Variants in SYNJ2 observed in about 807,000 individuals in gnomAD.
The protein encoded by SYNJ2 is synaptojanin 2, also known as polyphosphatidylinositol phosphatase SYNJ2.
Under a neutral mutation model 141.3 loss-of-function variants are expected in SYNJ2, and 116 were observed. The ratio of observed to expected loss-of-function variants is 0.82; its 90% CI spans 0.71 to 0.96. The LOEUF (loss-of-function observed/expected upper bound fraction) is 0.96, where lower values mean the gene tolerates loss of function less well. SYNJ2 is among the 40% of genes least tolerant of loss of function. The probability of loss-of-function intolerance (pLI) is 0.00; values close to 1 mark genes in which losing one functional copy is unlikely to be tolerated. For missense variants in SYNJ2, 1,873 were observed against 1,934.8 expected, an observed-to-expected ratio of 0.97 and a Z score of 0.60; for synonymous variants, 745 against 777.7, an observed-to-expected ratio of 0.96 and a Z score of 0.70.
At chr6:158,047,804 AAC>A (rs1451105375) in intron 5 of SYNJ2, among the ~76,000 whole-genome samples, 191 of 141,622 alleles carry the variant, frequency 1.3e-3, no homozygotes, top group Middle Eastern at 6.9e-3. Context: ...AAAAAAAAAA[AAC>A]ACACAGTATC....
At chr6:158,000,725 C>G (rs1009870223) in intron 1 of SYNJ2, among the ~76,000 whole-genome samples, 1 of 152,130 alleles carries the variant, frequency 6.6e-6, no homozygotes, top group African/African-American at 2.4e-5. Context: ...CTACCCGCAC[C>G]GCACTGTGGT....
rs556160449 is a variant in SYNJ2 at position 158,004,742 on chromosome 6, G to A, written c.128-12462G>A. On this transcript the variant is annotated intron_variant, in intron 1 of 26. Transcript: ENST00000355585. ...GCATGAGATCTAAGAACTCTCTCTC[G>A]GGGTCTGGATCGGGACCCCTTTCCA... Among the ~76,000 whole-genome samples the A allele has an allele frequency of 7.6e-4, 115 of 152,214 alleles. 1 individual carries two copies. Among genetic ancestry groups the A allele is most frequent in the Middle Eastern group, 3.4e-3 (1 of 294 alleles).
intron 1 of SYNJ2, among the ~76,000 whole-genome samples, chr6:157,992,411 T>C (rs201760217): frequency 0.34 from 49,513 of 146,328 alleles, 10,559 homozygotes; most frequent in African/African-American, 0.6. Flanking sequence ...CTTTTTTTTT[T>C]TTTTTTTTTT....
Position 158,071,928 on chromosome 6 carries a change from GGGGAGA to G in SYNJ2, c.2133+138_2133+143del. ...CCTGGAGGGCTCAGCGCTGGGGGAGGGGGAGAGGGCTATGTCCCTCCATGGAATTGA... is the reference window on the plus strand; with the variant it reads ...CCTGGAGGGCTCAGCGCTGGGGGAGGGGGCTATGTCCCTCCATGGAATTGA... On this transcript the variant is annotated intron_variant, in intron 15 of 26. Coordinates refer to ENST00000355585, the MANE Select transcript of SYNJ2 (RefSeq NM_003898.4). The surrounding 1 kb of genome is among the most constrained non-coding windows in gnomAD (Gnocchi z 4.3). 1 of 1,071,734 alleles carries G rather than the reference GGGGAGA, an allele frequency of 9.3e-7. No homozygotes were observed. The highest frequency in any genetic ancestry group is 1.3e-6 in the Non-Finnish European group (1 of 764,138). 66.4% of individuals were successfully genotyped at this position (1,071,734 alleles called of 1,614,324 possible). A position where few individuals can be genotyped will look rare whatever the true frequency, so the allele number is the denominator to read the frequency against.
rs867019983 is a variant in SYNJ2, at chr6:158,084,101, C to T, written c.3135C>T (p.Pro1045=). Reference sequence around the variant, plus strand: ...GGGGAGACGACCTCTCTGATGTCCCCGGCCCCACAGCACTGGCTCCTCCCA... The same window carrying T: ...GGGGAGACGACCTCTCTGATGTCCCTGGCCCCACAGCACTGGCTCCTCCCA... ...ELGGDDLSDV[P]GPTALAPPSK... Residue 1045 remains proline (P), a synonymous_variant, in exon 22 of 27, where the codon CCC becomes CCT. Transcript: ENST00000355585. This position sits in a 1 kb window ranked among gnomAD's most constrained non-coding sequence, Gnocchi z 5.0. 13 of 1,614,184 alleles carry T rather than the reference C, an allele frequency of 8.1e-6. No individual in the cohort carries two copies. Among genetic ancestry groups the T allele is most frequent in the Middle Eastern group, 3.3e-4 (2 of 6,062 alleles).
intron 1 of SYNJ2, among the ~76,000 whole-genome samples, chr6:158,013,334 T>C (rs1343473410): frequency 6.6e-6 from 1 of 152,104 alleles, no homozygotes; most frequent in Non-Finnish European, 1.5e-5. Flanking sequence ...TGAGCTGAGA[T>C]TGCACCATTG....
intron 7 of SYNJ2, among the ~76,000 whole-genome samples, chr6:158,061,364 T>C (rs1781207391): frequency 6.6e-6 from 1 of 152,170 alleles, no homozygotes; most frequent in African/African-American, 2.4e-5. Context: ...AAGCCTCATA[T>C]GGAAGGGAGG....
rs1218867340 is a variant in SYNJ2 at position 158,097,861 on chromosome 6, C to T, written c.*1497C>T. On this transcript the variant is annotated 3_prime_UTR_variant, in exon 27 of 27. Transcript: ENST00000355585. ...AAAAGGATAAAAAAAAAAAGGAATCCGTGACCCACAGAGCTAGACAGATAA... is the reference window on the plus strand; with the variant it reads ...AAAAGGATAAAAAAAAAAAGGAATCTGTGACCCACAGAGCTAGACAGATAA... The T allele has an allele frequency of 4.4e-5, 6 of 137,570 alleles. No individual in the cohort carries two copies. Among genetic ancestry groups the T allele is most frequent in the East Asian group, 2.2e-4 (1 of 4,646 alleles). The allele number at this position is 137,570 out of a possible 1,614,324, so 8.5% of individuals were successfully genotyped here. A position where few individuals can be genotyped will look rare whatever the true frequency, so the allele number is the denominator to read the frequency against.
At chr6:158,017,727 C>CT (rs1471405816) in intron 2 of SYNJ2, 1 of 530,556 alleles carries the variant, frequency 1.9e-6, no homozygotes, top group Non-Finnish European at 3.9e-6. Flanking sequence ...CCTCTCTTCT[C>CT]TTTTAAGATG....
intron 6 of SYNJ2, among the ~76,000 whole-genome samples, chr6:158,055,257 T>C (rs1780800607): frequency 6.6e-6 from 1 of 152,262 alleles, no homozygotes; most frequent in Admixed American, 6.5e-5. Flanking sequence ...TAGCACTTTA[T>C]AATTATTTTA....
rs547644854 is a variant in SYNJ2 at position 158,070,122 on chromosome 6, G to A, written c.1940+449G>A. On this transcript the variant is annotated intron_variant, in intron 14 of 26. Coordinates refer to ENST00000355585, the MANE Select transcript of SYNJ2 (RefSeq NM_003898.4). This position sits in a 1 kb window ranked among gnomAD's most constrained non-coding sequence, Gnocchi z 4.0. ...GTCATTTCTCCAAGGTGCATGCTTT[G>A]TGAGCATCAGAAAGGGGGCGAGCTT... 20 of 980,768 alleles carry A rather than the reference G, an allele frequency of 2.0e-5. No individual in the cohort carries two copies. Among genetic ancestry groups the A allele is most frequent in the Non-Finnish European group, 2.4e-5 (20 of 825,668 alleles). The allele number at this position is 980,768 out of a possible 1,614,324, so 60.8% of individuals were successfully genotyped here. A position where few individuals can be genotyped will look rare whatever the true frequency, so the allele number is the denominator to read the frequency against.
chr6:158,046,179 CAA>C (rs1780226872), intron 5 of SYNJ2, among the ~76,000 whole-genome samples: 1 of 152,136 alleles, frequency 6.6e-6, no homozygotes, highest in Non-Finnish European at 1.5e-5. Flanking sequence ...CTTCTGACCT[CAA>C]GTGATCTGCC....
rs58284240 is a variant in SYNJ2 at position 158,000,064 on chromosome 6, CTTTTTTTTTTTTTTTT to C, written c.128-17116_128-17101del. ...GCCAGGTTCTCACCAAGCCAAAAGG[CTTTTTTTTTTTTTTTT>C]TTTTTTTTTTTTTTTTTTTTTTTGA... is the stretch of plus-strand genomic sequence containing the variant. On this transcript the variant is annotated intron_variant, in intron 1 of 26. Transcript: ENST00000355585. Among the ~76,000 whole-genome samples, 584 of 85,538 alleles carry C rather than the reference CTTTTTTTTTTTTTTTT, an allele frequency of 6.8e-3. 3 individuals carry two copies. The highest frequency in any genetic ancestry group is 0.01 in the African/African-American group (238 of 23,440). The allele number at this position is 85,538 out of a possible 152,430, so 56.1% of individuals were successfully genotyped here. A position where few individuals can be genotyped will look rare whatever the true frequency, so the allele number is the denominator to read the frequency against.
chr6:158,028,873 C>A lies in SYNJ2; in HGVS notation c.332C>A (p.Ala111Asp). Residue 111 changes from alanine (A) to aspartate (D), a missense_variant, in exon 3 of 27, where the codon GCC becomes GAC. Coordinates refer to ENST00000355585, the MANE Select transcript of SYNJ2 (RefSeq NM_003898.4). ...ATDFYPLQEE[A>D]KEEERLIALK... is the part of the protein sequence containing the mutation. ...GACTTTTACCCTCTTCAGGAAGAGG[C>A]CAAGGAGGAGGAACGCCTCATAGCT... 1.2e-6 allele frequency: 2 copies of A among 1,614,198 alleles called. No individual in the cohort carries two copies. Among genetic ancestry groups the A allele is most frequent in the Non-Finnish European group, 1.7e-6 (2 of 1,180,022 alleles).
chr6:158,029,217 C>G (rs1029015159), intron 3 of SYNJ2, 191 bp downstream of exon 3: 36 of 702,278 alleles, frequency 5.1e-5, no homozygotes, highest in Non-Finnish European at 6.8e-5. Context: ...TGCCACCCCC[C>G]ACCCCTGGCC....
chr6:158,087,055 T>C, intron 23 of SYNJ2, 66 bp downstream of exon 23: 1 of 1,543,920 alleles, frequency 6.5e-7, no homozygotes, highest in Non-Finnish European at 8.8e-7. Flanking sequence ...TCCCTGCTAC[T>C]GAAAACACGG....
intron 10 of SYNJ2, 34 bp from the exon 11 acceptor site, chr6:158,064,792 C>T (rs759689415): frequency 6.2e-7 from 1 of 1,610,976 alleles, no homozygotes; most frequent in Non-Finnish European, 8.5e-7. Flanking sequence ...CCCCAGGGAC[C>T]CCCCTCACGG....
intron 23 of SYNJ2, 74 bp downstream of exon 23, chr6:158,087,063 C>T: frequency 1.3e-6 from 2 of 1,524,698 alleles, no homozygotes; most frequent in South Asian, 1.2e-5. Context: ...ACTGAAAACA[C>T]GGCTCCGAAT....
At chr6:157,993,056 A>G (rs1777509643) in intron 1 of SYNJ2, among the ~76,000 whole-genome samples, 1 of 152,236 alleles carries the variant, frequency 6.6e-6, no homozygotes, top group Non-Finnish European at 1.5e-5. Flanking sequence ...TATAGTACAT[A>G]TAGTACATAA....
Sources: gnomAD v4.1 joint callset for allele counts (sites outside exome capture counted in the v4.1 genomes callset) on GRCh38, gnomAD v4.1.1 for gene constraint, Gnocchi (gnomAD v3.1) non-coding constraint, MANE v1.5 for transcripts, NCBI Gene and HGNC (gene_info 2026-07-23, HGNC 2026-07-21) for gene names.